The following ZC3H14 variants were observed in gnomAD, a reference collection of about 807,000 sequenced individuals.
The protein encoded by ZC3H14 is zinc finger CCCH domain-containing protein 14.
In ZC3H14, 31 loss-of-function variants were observed where a neutral mutation model predicts 92.4. That is an observed-to-expected ratio of 0.34 (90% CI 0.25 to 0.45). ZC3H14 has a LOEUF of 0.45. Ranked by LOEUF, ZC3H14 falls within the 20% of genes least tolerant of loss-of-function variation. The pLI, the probability that ZC3H14 is intolerant of heterozygous loss-of-function variation, is 1.00. For synonymous variants in ZC3H14, 321 were observed against 300.9 expected (o/e 1.07, Z -0.69); for missense variants, 781 against 897.3 (o/e 0.87, Z 1.66).
At position 88,563,479 on chromosome 14, in the gene ZC3H14, G is replaced by A. The variant is rs2079139309; in HGVS notation, c.37-172G>A. The A allele has an allele frequency of 4.0e-6, 6 of 1,491,504 alleles. No individual in the cohort carries two copies. The African/African-American group carries it at 4.2e-5, about 11-fold the overall frequency. The allele number at this position is 1,491,504 out of a possible 1,614,324, so 92.4% of individuals were successfully genotyped here. A position where few individuals can be genotyped will look rare whatever the true frequency, so the allele number is the denominator to read the frequency against. On this transcript the variant is annotated intron_variant, in intron 1 of 16. Coordinates refer to ENST00000251038, the MANE Select transcript of ZC3H14 (RefSeq NM_024824.5). The stretch of plus-strand genomic sequence containing the variant: ...AGGTGGGCGCCGCGGGGCTGGGGCT[G>A]GAGCTGGAGTGGGGTGCGGGGTGGG...
rs1197498816 is a variant in ZC3H14, at chr14:88,617,124, T to A, written c.*5373T>A. 1 of 328,928 alleles carries A rather than the reference T, an allele frequency of 3.0e-6. No individual in the cohort carries two copies. The highest frequency in any genetic ancestry group is 5.5e-6 in the Non-Finnish European group (1 of 181,630). The allele number at this position is 328,928 out of a possible 1,614,324, so 20.4% of individuals were successfully genotyped here. A position where few individuals can be genotyped will look rare whatever the true frequency, so the allele number is the denominator to read the frequency against. The stretch of plus-strand genomic sequence containing the variant: ...TCTTTTTAAGATTAAAGTAGTACTT[T>A]ATGAAAACTGATAGAACTATTTTTT... On this transcript the variant is annotated 3_prime_UTR_variant, in exon 17 of 17. Transcript: ENST00000251038.
chr14:88,611,987 G>C lies in ZC3H14; in HGVS notation c.*236G>C, dbSNP rs1317450313. 2 of 572,882 alleles carry C rather than the reference G, an allele frequency of 3.5e-6. No homozygotes were observed. Among genetic ancestry groups the C allele is most frequent in the African/African-American group, 3.8e-5 (2 of 53,062 alleles). The allele number at this position is 572,882 out of a possible 1,614,324, so 35.5% of individuals were successfully genotyped here. ...TACTATGAAAAGACAGCTTAAGGAAGAGCTAAATTCTGTTAAAATATTTGG... is the reference window on the plus strand; with the variant it reads ...TACTATGAAAAGACAGCTTAAGGAACAGCTAAATTCTGTTAAAATATTTGG... On this transcript the variant is annotated 3_prime_UTR_variant, in exon 17 of 17. Transcript: ENST00000251038.
chr14:88,611,883 T>TATC lies in ZC3H14; in HGVS notation c.*133_*135dup, dbSNP rs2086847806. 1.6e-6 allele frequency: 2 copies of TATC among 1,261,150 alleles called. No individual in the cohort carries two copies. The highest frequency in any genetic ancestry group is 1.5e-5 in the African/African-American group (1 of 66,248). 78.1% of individuals were successfully genotyped at this position (1,261,150 alleles called of 1,614,324 possible). On this transcript the variant is annotated 3_prime_UTR_variant, in exon 17 of 17. Transcript: ENST00000251038. ...TTTCATAATATGAAGTTTTATTGCC[T>TATC]ATCTATCTGAAGTGTCTAATTTTTC...
Position 88,588,557 on chromosome 14 carries a change from G to A in ZC3H14, c.1280-8177G>A, listed in dbSNP as rs1403137187. Among the ~76,000 whole-genome samples the A allele has an allele frequency of 2.0e-5, 3 of 152,068 alleles. No homozygotes were observed. The East Asian group carries it at 5.8e-4, about 29-fold the overall frequency. On this transcript the variant is annotated intron_variant, in intron 9 of 16. Coordinates refer to ENST00000251038, the MANE Select transcript of ZC3H14 (RefSeq NM_024824.5). Reference sequence around the variant, plus strand: ...TGTAATACCTGGGATTTTTTTCTCCGGGAACTTTTTTTTTTCTATGTTCCT... The same window carrying A: ...TGTAATACCTGGGATTTTTTTCTCCAGGAACTTTTTTTTTTCTATGTTCCT...
In ZC3H14 at chr14:88,571,140, T is replaced by G; in HGVS notation, c.235+16T>G. The G allele has an allele frequency of 6.3e-7, 1 of 1,578,398 alleles. No homozygotes were observed. Among genetic ancestry groups the G allele is most frequent in the East Asian group, 2.3e-5 (1 of 44,012 alleles). ...GTTACAACTGGTAAGATTCATAACT[T>G]TTTTTTTTAATTTCTGCTTGCTATG... On this transcript the variant is annotated intron_variant, in intron 4 of 16. Transcript: ENST00000251038.
rs765493814 is a variant in ZC3H14 at position 88,602,040 on chromosome 14, G to T, written c.1471G>T (p.Ala491Ser). Residue 491 changes from alanine (A) to serine (S), a missense_variant, in exon 11 of 17, where the codon GCA (alanine) becomes TCA (serine). Coordinates refer to ENST00000251038, the MANE Select transcript of ZC3H14 (RefSeq NM_024824.5). ...APNQESGMKT[A>S]DSLRVLSGHL... ...AAACCAAGAGTCGGGGATGAAGACTGCAGATTCCCTTCGGGTACTTTCAGG... is the reference window on the plus strand; with the variant it reads ...AAACCAAGAGTCGGGGATGAAGACTTCAGATTCCCTTCGGGTACTTTCAGG... The T allele has an allele frequency of 6.2e-7, 1 of 1,614,168 alleles. No individual in the cohort carries two copies. The highest frequency in any genetic ancestry group is 8.5e-7 in the Non-Finnish European group (1 of 1,180,000).
At chr14:88,584,145 G>A (rs2082223331) in intron 9 of ZC3H14, among the ~76,000 whole-genome samples, 1 of 152,078 alleles carries the variant, frequency 6.6e-6, no homozygotes, top group Admixed American at 6.6e-5. Context: ...TATATATCTG[G>A]TTTCCCTGCC....
intron 8 of ZC3H14, among the ~76,000 whole-genome samples, chr14:88,577,177 G>T (rs2081280085): frequency 6.6e-6 from 1 of 152,068 alleles, no homozygotes; most frequent in African/African-American, 2.4e-5. Context: ...AATTCAACAG[G>T]TTTTGGCATA....
intron 10 of ZC3H14, among the ~76,000 whole-genome samples, chr14:88,599,853 G>A (rs1030271683): frequency 3.9e-5 from 6 of 152,198 alleles, no homozygotes; most frequent in African/African-American, 1.4e-4. Flanking sequence ...ACCCACCTTT[G>A]ACAGTTGTGA....
chr14:88,563,802 T>TG, intron 2 of ZC3H14, 109 bp downstream of exon 2: 1 of 1,040,006 alleles, frequency 9.6e-7, no homozygotes, highest in Non-Finnish European at 1.5e-6. Context: ...AGAGACTCCC[T>TG]TCTACCTTCT....
chr14:88,592,915 C>T (rs1317483486), intron 9 of ZC3H14, among the ~76,000 whole-genome samples: 1 of 151,352 alleles, frequency 6.6e-6, no homozygotes, highest in African/African-American at 2.4e-5. Flanking sequence ...CGTCCTTTGT[C>T]AAATTAAGGA....
At chr14:88,608,425 TTTTG>T (rs879487405) in intron 13 of ZC3H14, 19 of 332,202 alleles carry the variant, frequency 5.7e-5, no homozygotes, top group Non-Finnish European at 9.6e-5. Context: ...CTTATTTTGT[TTTTG>T]TTTTTCTGTG....
intron 9 of ZC3H14, chr14:88,590,871 C>T (rs181057601): frequency 6.6e-6 from 1 of 152,286 alleles, no homozygotes; most frequent in African/African-American, 2.4e-5. Flanking sequence ...AAATGTCACT[C>T]CTGCCTTGCA....
At chr14:88,594,580 T>C in intron 9 of ZC3H14, 1 of 1,510,150 alleles carries the variant, frequency 6.6e-7, no homozygotes, top group East Asian at 2.4e-5. Flanking sequence ...TTTTAAGATG[T>C]TATTTGCTCT....
rs566932552 is a variant in ZC3H14 at position 88,614,882 on chromosome 14, A to C, written c.*3131A>C. 24 of 152,352 alleles carry C rather than the reference A, an allele frequency of 1.6e-4. 1 individual carries two copies. The highest frequency in any genetic ancestry group is 5.5e-4 in the African/African-American group (23 of 41,594). The allele number at this position is 152,352 out of a possible 1,614,324, so 9.4% of individuals were successfully genotyped here. A position where few individuals can be genotyped will look rare whatever the true frequency, so the allele number is the denominator to read the frequency against. ...TTTTCCCAATAGAAAAAAGGCTATA[A>C]AAATTTTATTCCAAGAGTGATTAAA... On this transcript the variant is annotated 3_prime_UTR_variant, in exon 17 of 17. Coordinates refer to ENST00000251038, the MANE Select transcript of ZC3H14 (RefSeq NM_024824.5).
chr14:88,627,061 C>G lies in ZC3H14; in HGVS notation c.*15310C>G. ...AATTTTGGCACCTGACAAGATACAA[C>G]AAAATTATCTAGGTTATTACAAGAA... On this transcript the variant is annotated 3_prime_UTR_variant, in exon 17 of 17. Transcript: ENST00000251038. The G allele has an allele frequency of 3.1e-6, 5 of 1,612,490 alleles. No homozygotes were observed. The highest frequency in any genetic ancestry group is 4.2e-6 in the Non-Finnish European group (5 of 1,179,130).
chr14:88,615,489 C>G lies in ZC3H14; in HGVS notation c.*3738C>G. ...ATTATCCAAATTGGGTTTTTGAGTT[C>G]TTCTGTAAAGAGTGCTCTACCCTAA... On this transcript the variant is annotated 3_prime_UTR_variant, in exon 17 of 17. Coordinates refer to ENST00000251038, the MANE Select transcript of ZC3H14 (RefSeq NM_024824.5). 3.9e-6 allele frequency: 1 copy of G among 256,302 alleles called. No individual in the cohort carries two copies. Among genetic ancestry groups the G allele is most frequent in the East Asian group, 7.0e-5 (1 of 14,190 alleles). The allele number at this position is 256,302 out of a possible 1,614,324, so 15.9% of individuals were successfully genotyped here.
rs759315514 is a variant in ZC3H14, at chr14:88,609,764, T to A, written c.2058T>A (p.Pro686=). The part of the protein sequence containing the change: ...PSSSQLCRYF[P]ACKKMECPFY... ...GTAGTCAGCTCTGCCGTTACTTCCC[T>A]GCTTGTAAGAAGATGGAATGTCCCT... The change falls in exon 15 of 17, where the codon CCT becomes CCA. Residue 686 remains proline (P), a synonymous_variant. Coordinates refer to ENST00000251038, the MANE Select transcript of ZC3H14 (RefSeq NM_024824.5). 5.0e-6 allele frequency: 8 copies of A among 1,614,090 alleles called. No homozygotes were observed. The highest frequency in any genetic ancestry group is 1.3e-5 in the African/African-American group (1 of 74,938).
rs192272549 is a variant in ZC3H14 at position 88,614,679 on chromosome 14, G to A, written c.*2928G>A. 3.3e-4 allele frequency: 50 copies of A among 152,240 alleles called. No homozygotes were observed. Among genetic ancestry groups the A allele is most frequent in the African/African-American group, 1.2e-3 (48 of 41,554 alleles). The allele number at this position is 152,240 out of a possible 1,614,324, so 9.4% of individuals were successfully genotyped here. Reference sequence around the variant, plus strand: ...GGAAACTACAGATAGGCTAGACAGCGAATTCCTGAATGATGAGTAGTGATC... The same window carrying A: ...GGAAACTACAGATAGGCTAGACAGCAAATTCCTGAATGATGAGTAGTGATC... On this transcript the variant is annotated 3_prime_UTR_variant, in exon 17 of 17. Transcript: ENST00000251038.
Sources: gnomAD v4.1 joint callset for allele counts (sites outside exome capture counted in the v4.1 genomes callset) on GRCh38, gnomAD v4.1.1 for gene constraint, MANE v1.5 for transcripts, NCBI Gene and HGNC (gene_info 2026-07-23, HGNC 2026-07-21) for gene names.